The following FSTL4 variants were observed in gnomAD, a reference collection of about 807,000 sequenced individuals.
The protein encoded by FSTL4 is follistatin like 4, also known as follistatin-related protein 4.
A neutral mutation model predicts 78.2 loss-of-function variants in FSTL4; 28 were observed. The observed-to-expected ratio is 0.36, with a 90% CI of 0.27 to 0.49. FSTL4 has a LOEUF of 0.49. FSTL4 is among the 20% of genes least tolerant of loss of function. The probability of loss-of-function intolerance (pLI) is 0.98; values close to 1 mark genes in which losing one functional copy is unlikely to be tolerated. For synonymous variants in FSTL4, 422 were observed against 440.5 expected, an observed-to-expected ratio of 0.96 and a Z score of 0.53; for missense variants, 922 against 1,084.9, an observed-to-expected ratio of 0.85 and a Z score of 2.11.
chr5:133,830,040 T>C, the FSTL4 span, among the ~76,000 whole-genome samples: 11 of 152,296 alleles, frequency 7.2e-5, no homozygotes, highest in African/African-American at 2.6e-4. Flanking sequence ...GGCCCACCTC[T>C]GCCCTCAGAC....
chr5:133,286,314 G>A (rs558367262), intron 6 of FSTL4, among the ~76,000 whole-genome samples: 23 of 152,260 alleles, frequency 1.5e-4, no homozygotes, highest in Admixed American at 4.6e-4. Flanking sequence ...TCAGGCACAC[G>A]GTTAACACTT....
intron 3 of FSTL4, among the ~76,000 whole-genome samples, chr5:133,462,211 C>T (rs1757607310): frequency 6.6e-6 from 1 of 152,182 alleles, no homozygotes; most frequent in Non-Finnish European, 1.5e-5. Flanking sequence ...CCCCTCTGGC[C>T]CCCCAGATGA....
chr5:133,779,180 C>T, the FSTL4 span, among the ~76,000 whole-genome samples: 1 of 152,160 alleles, frequency 6.6e-6, no homozygotes, highest in Non-Finnish European at 1.5e-5. Context: ...CCTTGGCTCC[C>T]CTCCTAGTTC....
At chr5:133,831,386 A>G in the FSTL4 span, among the ~76,000 whole-genome samples, 1 of 152,172 alleles carries the variant, frequency 6.6e-6, no homozygotes, top group Non-Finnish European at 1.5e-5. Context: ...GTGCTTCCTT[A>G]CAACTTTCTA....
chr5:133,336,557 C>T (rs765734168), intron 4 of FSTL4, among the ~76,000 whole-genome samples: 5 of 152,180 alleles, frequency 3.3e-5, no homozygotes, highest in Admixed American at 6.5e-5. Context: ...AAGGATGGTA[C>T]GGATTTTATT....
chr5:133,792,454 A>G, the FSTL4 span, among the ~76,000 whole-genome samples: 2 of 152,212 alleles, frequency 1.3e-5, no homozygotes, highest in African/African-American at 4.8e-5. Context: ...CTGCAACCTC[A>G]TTCTCTGAGA....
At chr5:133,764,936 C>G in the FSTL4 span, among the ~76,000 whole-genome samples, 1 of 152,256 alleles carries the variant, frequency 6.6e-6, no homozygotes, top group African/African-American at 2.4e-5. Context: ...CCACATCAGA[C>G]TTGCAAATTA....
intron 3 of FSTL4, among the ~76,000 whole-genome samples, chr5:133,420,347 A>G (rs2126986612): frequency 6.6e-6 from 1 of 152,364 alleles, no homozygotes; most frequent in African/African-American, 2.4e-5. Flanking sequence ...ATCATTGACA[A>G]AAATCTATGC....
chr5:133,626,603 TAATA>T, the FSTL4 span, among the ~76,000 whole-genome samples: 1 of 151,752 alleles, frequency 6.6e-6, no homozygotes, highest in Non-Finnish European at 1.5e-5. Context: ...TCGTTCAGTT[TAATA>T]TATTTTTTTA....
At chr5:133,532,587 A>T (rs1759278512) in intron 3 of FSTL4, among the ~76,000 whole-genome samples, 1 of 152,142 alleles carries the variant, frequency 6.6e-6, no homozygotes, top group African/African-American at 2.4e-5. Context: ...CCCTCTCATG[A>T]GCCACTCATA....
At chr5:133,551,870 C>T (rs1389307491) in intron 3 of FSTL4, among the ~76,000 whole-genome samples, 1 of 152,112 alleles carries the variant, frequency 6.6e-6, no homozygotes, top group East Asian at 1.9e-4. Context: ...ATGCTTAAAG[C>T]AATTGCCTCA....
chr5:133,605,132 C>G (rs1344086351), intron 1 of FSTL4, among the ~76,000 whole-genome samples: 2 of 152,188 alleles, frequency 1.3e-5, no homozygotes, highest in Non-Finnish European at 2.9e-5. Context: ...TGAACACAGT[C>G]CAACCATAAT....
intron 4 of FSTL4, among the ~76,000 whole-genome samples, chr5:133,337,568 A>T (rs1260840441): frequency 6.6e-6 from 1 of 152,190 alleles, no homozygotes; most frequent in Non-Finnish European, 1.5e-5. Flanking sequence ...CACAGAAAAT[A>T]GTGTGGGACT....
chr5:133,795,042 A>G, the FSTL4 span, among the ~76,000 whole-genome samples: 191 of 152,318 alleles, frequency 1.3e-3, 1 homozygote, highest in South Asian at 8.5e-3. Context: ...TCAATATTTC[A>G]TCATTATATG....
chr5:133,438,549 G>C (rs1239254870), intron 3 of FSTL4, among the ~76,000 whole-genome samples: 1 of 152,218 alleles, frequency 6.6e-6, no homozygotes, highest in Non-Finnish European at 1.5e-5. Flanking sequence ...ATAGATACAG[G>C]GTGTGGAGGA....
chr5:133,640,900 G>C, the FSTL4 span, among the ~76,000 whole-genome samples: 1 of 152,214 alleles, frequency 6.6e-6, no homozygotes, highest in Non-Finnish European at 1.5e-5. Flanking sequence ...AGGAAACTAG[G>C]CTTCATGTTT....
At chr5:133,301,555 A>G (rs1753540363) in intron 6 of FSTL4, among the ~76,000 whole-genome samples, 5 of 152,070 alleles carry the variant, frequency 3.3e-5, no homozygotes, top group Admixed American at 3.3e-4. Context: ...CGCTCCATAC[A>G]CTGCCCATCG....
At position 133,567,228 on chromosome 5, in the gene FSTL4, A is replaced by C. The variant is rs1178056127; in HGVS notation, c.127-9T>G. ...TCAAAGCTTCTGGGCTCCTGCAAGA[A>C]AAGAAAGACTTTGTGTTTTCTGAAG... On this transcript the variant is annotated splice_polypyrimidine_tract_variant and intron_variant, in intron 2 of 15. Coordinates refer to ENST00000265342, the MANE Select transcript of FSTL4 (RefSeq NM_015082.2). The C allele has an allele frequency of 6.2e-7, 1 of 1,603,788 alleles. No individual in the cohort carries two copies.
intron 4 of FSTL4, among the ~76,000 whole-genome samples, chr5:133,320,724 T>C (rs1354996646): frequency 6.6e-6 from 1 of 152,100 alleles, no homozygotes; most frequent in East Asian, 1.9e-4. Flanking sequence ...ATTCCAATCA[T>C]TGGCTGGGCG....
Sources: allele counts gnomAD v4.1 joint callset (sites outside exome capture counted in the v4.1 genomes callset), GRCh38; gene constraint gnomAD v4.1.1; transcripts MANE v1.5; gene names NCBI Gene and HGNC (gene_info 2026-07-23, HGNC 2026-07-21).